CCDC62: variants seen among roughly 807,000 people sequenced by gnomAD.
CCDC62 encodes the protein coiled-coil domain-containing protein 62.
In CCDC62, 72 loss-of-function variants were observed where a neutral mutation model predicts 80.8. The ratio of observed to expected loss-of-function variants is 0.89; its 90% CI spans 0.74 to 1.08. The LOEUF is 1.08. Among genes scored for constraint, CCDC62 ranks in the 50% least tolerant of loss-of-function variants. The pLI is 0.00. For missense variants in CCDC62, 704 were observed against 809.4 expected, an observed-to-expected ratio of 0.87 and a Z score of 1.58; for synonymous variants, 286 against 296.5, an observed-to-expected ratio of 0.96 and a Z score of 0.36.
chr12:122,796,869 C>T (rs2030984857), intron 6 of CCDC62, among the ~76,000 whole-genome samples: 1 of 107,350 alleles, frequency 9.3e-6, no homozygotes, highest in South Asian at 2.9e-4. Flanking sequence ...ATCTACAAAT[C>T]ACTTCTTCTT....
At position 122,777,808 on chromosome 12, in the gene CCDC62, G is replaced by A; in HGVS notation, c.229+125G>A. The A allele has an allele frequency of 5.0e-6, 4 of 800,174 alleles. No homozygotes were observed. The South Asian group carries it at 7.3e-5, about 15-fold the overall frequency. The allele number at this position is 800,174 out of a possible 1,614,324, so 49.6% of individuals were successfully genotyped here. A position where few individuals can be genotyped will look rare whatever the true frequency, so the allele number is the denominator to read the frequency against. ...TGTTGTCCTCAAGTTTAGGCTCATT[G>A]GAGACAGGAGGACTTTATGAACAGC... On this transcript the variant is annotated intron_variant, in intron 2 of 12. Transcript: ENST00000253079.
intron 9 of CCDC62, among the ~76,000 whole-genome samples, chr12:122,803,889 G>T (rs2031443662): frequency 6.6e-6 from 1 of 152,154 alleles, no homozygotes; most frequent in African/African-American, 2.4e-5. Context: ...TTTAACGTAT[G>T]AAATAAGTTC....
At position 122,801,509 on chromosome 12, in the gene CCDC62, T is replaced by G; in HGVS notation, c.1363T>G (p.Leu455Val). 1 of 1,614,060 alleles carries G rather than the reference T, an allele frequency of 6.2e-7. No homozygotes were observed. The highest frequency in any genetic ancestry group is 1.1e-5 in the South Asian group (1 of 91,066). ...AAAACAACCCTCAGAAACACCCACT[T>G]TATCTGATGAGAAGCAGTGGCATGA... ...EGKQPSETPT[L>V]SDEKQWHDVS... The change falls in exon 9 of 13, where the codon TTA becomes GTA. Residue 455 changes from leucine (L) to valine (V), a missense_variant. Transcript: ENST00000253079.
intron 6 of CCDC62, among the ~76,000 whole-genome samples, chr12:122,793,706 CG>C (rs1566075372): frequency 6.6e-6 from 1 of 152,078 alleles, no homozygotes; most frequent in African/African-American, 2.4e-5. Flanking sequence ...CCCCTTGCCT[CG>C]GCCTCTCAAA....
At chr12:122,777,714 G>C (rs550326003) in intron 2 of CCDC62, 31 bp downstream of exon 2, 2 of 1,589,144 alleles carry the variant, frequency 1.3e-6, no homozygotes, top group Non-Finnish European at 8.6e-7. Context: ...CAACAGTTAT[G>C]CACTTCTGTG....
intron 3 of CCDC62, among the ~76,000 whole-genome samples, chr12:122,784,377 T>A (rs762006098): frequency 4.0e-5 from 6 of 151,710 alleles, no homozygotes; most frequent in Non-Finnish European, 8.8e-5. Context: ...AAAAATCAGC[T>A]GGGCATGGTG....
chr12:122,776,512 A>C (rs1879465704), intron 1 of CCDC62: 1 of 152,222 alleles, frequency 6.6e-6, no homozygotes, highest in Non-Finnish European at 1.5e-5. Flanking sequence ...GTGAAATCTC[A>C]ATAATGGTAG....
intron 6 of CCDC62, among the ~76,000 whole-genome samples, chr12:122,792,746 G>T (rs1346402303): frequency 3.3e-5 from 5 of 152,040 alleles, no homozygotes; most frequent in African/African-American, 1.2e-4. Flanking sequence ...CTCGAACTCT[G>T]GCCTCAGATA....
rs778139001 is a variant in CCDC62, at chr12:122,801,636, G to A, written c.1490G>A (p.Cys497Tyr). The change falls in exon 9 of 13, where the codon TGC (cysteine) becomes TAC (tyrosine). Residue 497 changes from cysteine (C) to tyrosine (Y), a missense_variant. By Grantham distance (194) the Cys-to-Tyr change is radical. Coordinates refer to ENST00000253079, the MANE Select transcript of CCDC62 (RefSeq NM_201435.5). ...QDQMERSEIS[C>Y]CQKNEACLGE... ...CAGATGGAAAGGTCCGAAATCTCAT[G>A]CTGCCAGAAAAATGAAGCCTGTCTG... The A allele has an allele frequency of 1.2e-6, 2 of 1,614,182 alleles. No individual in the cohort carries two copies. The highest frequency in any genetic ancestry group is 2.2e-5 in the South Asian group (2 of 91,082).
At chr12:122,806,411 T>G (rs925716306) in intron 10 of CCDC62, 116 bp downstream of exon 10, 91 of 690,996 alleles carry the variant, frequency 1.3e-4, no homozygotes, top group African/African-American at 6.6e-4. Context: ...TCCGTTTTTT[T>G]TTTTTTTTTT....
chr12:122,792,111 G>A lies in CCDC62; in HGVS notation c.762G>A (p.Leu254=), dbSNP rs760146684. 1.9e-6 allele frequency: 3 copies of A among 1,598,124 alleles called. No individual in the cohort carries two copies. The African/African-American group carries it at 4.0e-5, about 21-fold the overall frequency. ...KQEKSCLHDE[L]LFTVEREKRK... ...AGAAAAGTTGCCTGCACGATGAATT[G>A]CTTTTTACTGGTAAAACAGATGATC... The change falls in exon 6 of 13, where the codon TTG becomes TTA. Residue 254 remains leucine, a synonymous_variant. Coordinates refer to ENST00000253079, the MANE Select transcript of CCDC62 (RefSeq NM_201435.5).
chr12:122,789,792 C>T (rs1269978222), intron 5 of CCDC62, among the ~76,000 whole-genome samples: 1 of 152,126 alleles, frequency 6.6e-6, no homozygotes, highest in African/African-American at 2.4e-5. Flanking sequence ...CCTTATGATG[C>T]CTTGACCTAT....
At chr12:122,801,100 AT>A in intron 8 of CCDC62, 23 bp from the exon 9 acceptor site, 10 of 1,582,488 alleles carry the variant, frequency 6.3e-6, no homozygotes, top group Admixed American at 1.9e-5. Context: ...TATAACCTCC[AT>A]TTTTTTTCTA....
intron 3 of CCDC62, among the ~76,000 whole-genome samples, chr12:122,782,548 T>C (rs2029929878): frequency 6.6e-6 from 1 of 152,126 alleles, no homozygotes; most frequent in African/African-American, 2.4e-5. Flanking sequence ...AACCTCTGCC[T>C]CCTGGGTTCA....
At chr12:122,806,380 C>CT in intron 10 of CCDC62, 85 bp downstream of exon 10, 1 of 1,084,596 alleles carries the variant, frequency 9.2e-7, no homozygotes, top group Non-Finnish European at 1.2e-6. Flanking sequence ...CCACTGTTAG[C>CT]TTGCTTATTT....
chr12:122,786,341 G>C (rs1459143310), intron 4 of CCDC62, among the ~76,000 whole-genome samples: 2 of 151,900 alleles, frequency 1.3e-5, no homozygotes, highest in Non-Finnish European at 2.9e-5. Context: ...GTAGAGACGG[G>C]GTTTCACCGT....
intron 3 of CCDC62, among the ~76,000 whole-genome samples, chr12:122,784,261 G>A (rs2030069087): frequency 6.6e-6 from 1 of 152,162 alleles, no homozygotes; most frequent in African/African-American, 2.4e-5. Flanking sequence ...GGTGGCTCAT[G>A]CCTGTAATCC....
intron 2 of CCDC62, among the ~76,000 whole-genome samples, chr12:122,780,903 T>C (rs1270936814): frequency 3.3e-5 from 5 of 152,158 alleles, no homozygotes; most frequent in African/African-American, 1.2e-4. Flanking sequence ...AGGAAGTGAT[T>C]ACTCTAAGAT....
At chr12:122,814,379 A>G (rs1201063598) in intron 11 of CCDC62, among the ~76,000 whole-genome samples, 1 of 151,506 alleles carries the variant, frequency 6.6e-6, no homozygotes, top group African/African-American at 2.4e-5. Flanking sequence ...ACCTTTGACC[A>G]CCATCGATTT....
Sources: allele counts gnomAD v4.1 joint callset (sites outside exome capture counted in the v4.1 genomes callset), GRCh38; gene constraint gnomAD v4.1.1; transcripts MANE v1.5; gene names NCBI Gene and HGNC (gene_info 2026-07-23, HGNC 2026-07-21).